Variants in IGSF21 observed in about 807,000 individuals in gnomAD.
IGSF21 encodes the protein immunoglobulin superfamily member 21.
In IGSF21, 28 loss-of-function variants were observed where a neutral mutation model predicts 46.8. That is an observed-to-expected ratio of 0.60 (90% CI 0.44 to 0.82). The LOEUF (loss-of-function observed/expected upper bound fraction) is 0.82, where lower values mean the gene tolerates loss of function less well. Ranked by LOEUF, IGSF21 falls within the 40% of genes least tolerant of loss-of-function variation. IGSF21 has a pLI of 0.00. For missense variants in IGSF21, 624 were observed against 665.5 expected (o/e 0.94, Z 0.69); for synonymous variants, 284 against 273.6 (o/e 1.04, Z -0.38).
chr1:18,185,646 G>T (rs1319809862), intron 1 of IGSF21, among the ~76,000 whole-genome samples: 1 of 152,200 alleles, frequency 6.6e-6, no homozygotes, highest in African/African-American at 2.4e-5. Flanking sequence ...TCCTGGCTCA[G>T]AATCCCAGCT....
chr1:18,158,107 A>G (rs1382536000), intron 1 of IGSF21, among the ~76,000 whole-genome samples: 1 of 152,152 alleles, frequency 6.6e-6, no homozygotes, highest in Non-Finnish European at 1.5e-5. Flanking sequence ...TGGCGCCCCC[A>G]TCAGACTGGG....
chr1:18,235,455 AAG>A (rs1459164631), intron 2 of IGSF21, among the ~76,000 whole-genome samples: 1 of 152,214 alleles, frequency 6.6e-6, no homozygotes, highest in Admixed American at 6.5e-5. Flanking sequence ...GTGGGATAGA[AAG>A]AGATTGTGTG....
chr1:18,259,749 G>A (rs1341684444), intron 2 of IGSF21, among the ~76,000 whole-genome samples: 1 of 152,208 alleles, frequency 6.6e-6, no homozygotes, highest in African/African-American at 2.4e-5. Flanking sequence ...AGGAGCCAGT[G>A]GGTGGAGAGA....
At position 18,274,593 on chromosome 1, in the gene IGSF21, T is replaced by C. The variant is rs142222305; in HGVS notation, c.184-17273T>C. Among the ~76,000 whole-genome samples the C allele has an allele frequency of 5.2e-4, 79 of 152,354 alleles. 1 individual carries two copies. Among genetic ancestry groups the C allele is most frequent in the Non-Finnish European group, 9.3e-4 (63 of 68,044 alleles). On this transcript the variant is annotated intron_variant, in intron 2 of 9. Coordinates refer to ENST00000251296, the MANE Select transcript of IGSF21 (RefSeq NM_032880.5). ...GCTGTTTTGTGCTATAAGAGCAGAG[T>C]TGATTAATTGTGACAGACGCTGTGT...
intron 2 of IGSF21, among the ~76,000 whole-genome samples, chr1:18,243,248 G>A (rs573085959): frequency 5.9e-5 from 9 of 152,286 alleles, no homozygotes; most frequent in African/African-American, 2.2e-4. Flanking sequence ...GCAAAGCTCT[G>A]CATTTCTTCC....
intron 1 of IGSF21, among the ~76,000 whole-genome samples, chr1:18,199,672 C>G (rs1293816017): frequency 6.6e-6 from 1 of 152,132 alleles, no homozygotes; most frequent in Non-Finnish European, 1.5e-5. Flanking sequence ...TGGCAGCCCC[C>G]CTCCCCCTTC....
At chr1:18,152,761 C>G (rs2086532339) in intron 1 of IGSF21, among the ~76,000 whole-genome samples, 1 of 152,148 alleles carries the variant, frequency 6.6e-6, no homozygotes, top group South Asian at 2.1e-4. Flanking sequence ...CTAAGGACAG[C>G]TCCCCAGTTC....
At position 18,365,607 on chromosome 1, in the gene IGSF21, C is replaced by T; in HGVS notation, c.925C>T (p.Leu309Phe). ...VEVRALLTWT[L>F]NPQIDNEALF... Reference sequence around the variant, plus strand: ...AGTACGTGCCCTGCTCACCTGGACCCTCAACCCACAGATCGACAACGAGGC... The same window carrying T: ...AGTACGTGCCCTGCTCACCTGGACCTTCAACCCACAGATCGACAACGAGGC... Residue 309 changes from leucine (L) to phenylalanine (F), a missense_variant, in exon 6 of 10, where the codon CTC becomes TTC. By Grantham distance (22) the Leu-to-Phe change is conservative (BLOSUM62 0). Transcript: ENST00000251296. The surrounding 1 kb of genome is among the most constrained non-coding windows in gnomAD (Gnocchi z 4.8). 1.2e-6 allele frequency: 2 copies of T among 1,614,210 alleles called. No homozygotes were observed. Among genetic ancestry groups the T allele is most frequent in the Non-Finnish European group, 8.5e-7 (1 of 1,180,044 alleles).
At chr1:18,327,096 G>A (rs191871031) in intron 3 of IGSF21, among the ~76,000 whole-genome samples, 95 of 152,298 alleles carry the variant, frequency 6.2e-4, no homozygotes, top group Non-Finnish European at 1.1e-3. Context: ...GAGAAATCCT[G>A]TAGCTCCCCA....
intron 2 of IGSF21, among the ~76,000 whole-genome samples, chr1:18,243,787 G>C (rs1436819149): frequency 2.6e-5 from 4 of 152,084 alleles, no homozygotes; most frequent in African/African-American, 9.7e-5. Context: ...GGTGCTGCTG[G>C]GATTTCAAAG....
rs2086118703 is a variant in IGSF21, at chr1:18,109,152, C to A, written c.70+954C>A. On this transcript the variant is annotated intron_variant, in intron 1 of 9. Transcript: ENST00000251296. This position sits in a 1 kb window ranked among gnomAD's most constrained non-coding sequence, Gnocchi z 4.8. ...GCCGGCCTCCCACCCAGTGCCGCCG[C>A]GTAGTGGGTCTTAAATGGAGCTGAA... Among the ~76,000 whole-genome samples the A allele has an allele frequency of 6.6e-6, 1 of 151,928 alleles. No homozygotes were observed. The highest frequency in any genetic ancestry group is 2.1e-4 in the South Asian group (1 of 4,814).
At chr1:18,248,980 T>C (rs1471108068) in intron 2 of IGSF21, among the ~76,000 whole-genome samples, 2 of 151,728 alleles carry the variant, frequency 1.3e-5, no homozygotes, top group African/African-American at 4.8e-5. Flanking sequence ...GAAGAATGAG[T>C]AGAACCTAGC....
intron 2 of IGSF21, among the ~76,000 whole-genome samples, chr1:18,280,116 G>A (rs1454372025): frequency 6.6e-6 from 1 of 152,192 alleles, no homozygotes; most frequent in Admixed American, 6.5e-5. Context: ...CACGGGGACT[G>A]AGTGCTGAGC....
intron 8 of IGSF21, 99 bp from the exon 9 acceptor site, chr1:18,377,294 G>A (rs75270514): frequency 5.8e-5 from 62 of 1,071,328 alleles, no homozygotes; most frequent in East Asian, 5.4e-4. Context: ...GAGACAGTGC[G>A]TGTGATACCT....
At chr1:18,267,968 A>T (rs770110591) in intron 2 of IGSF21, among the ~76,000 whole-genome samples, 33 of 152,238 alleles carry the variant, frequency 2.2e-4, no homozygotes, top group Non-Finnish European at 3.2e-4. Context: ...CTTTACAGAA[A>T]ATGTTTGCCA....
intron 1 of IGSF21, among the ~76,000 whole-genome samples, chr1:18,154,147 C>T (rs900005156): frequency 6.6e-6 from 1 of 152,152 alleles, no homozygotes; most frequent in African/African-American, 2.4e-5. Context: ...TCGCTTCACC[C>T]CAGTCCCCAC....
chr1:18,294,180 A>C (rs2085291832), intron 3 of IGSF21, among the ~76,000 whole-genome samples: 1 of 152,162 alleles, frequency 6.6e-6, no homozygotes, highest in Non-Finnish European at 1.5e-5. Context: ...GTAACCCCAC[A>C]GTTGAGTTTC....
At chr1:18,110,271 CTCTCT>C (rs1467749619) in intron 1 of IGSF21, 1 of 152,328 alleles carries the variant, frequency 6.6e-6, no homozygotes, top group African/African-American at 2.4e-5. Context: ...GCCGGGAGCC[CTCTCT>C]TCTCCGCAGA....
At chr1:18,330,889 A>G (rs1188837924) in intron 3 of IGSF21, among the ~76,000 whole-genome samples, 2 of 152,164 alleles carry the variant, frequency 1.3e-5, no homozygotes, top group Non-Finnish European at 2.9e-5. Flanking sequence ...TTGACTTCCT[A>G]CACTTCAGTG....
Sources: allele counts gnomAD v4.1 joint callset (sites outside exome capture counted in the v4.1 genomes callset), GRCh38; gene constraint gnomAD v4.1.1; non-coding constraint Gnocchi (gnomAD v3.1); transcripts MANE v1.5; gene names NCBI Gene and HGNC (gene_info 2026-07-23, HGNC 2026-07-21).